The following KANSL2 variants were observed in gnomAD, a reference collection of about 807,000 sequenced individuals.
KANSL2 encodes KAT8 regulatory NSL complex subunit 2, also known as NSL complex protein NSL2.
A neutral mutation model predicts 55.6 loss-of-function variants in KANSL2; 34 were observed. The observed-to-expected ratio is 0.61, with a 90% CI of 0.46 to 0.81. The LOEUF (loss-of-function observed/expected upper bound fraction) is 0.81. KANSL2 is among the 40% of genes least tolerant of loss of function. The pLI is 0.00. For missense variants in KANSL2, 502 were observed against 609.9 expected, an observed-to-expected ratio of 0.82 and a Z score of 1.86; for synonymous variants, 209 against 214.3, an observed-to-expected ratio of 0.98 and a Z score of 0.22.
intron 7 of KANSL2, among the ~76,000 whole-genome samples, chr12:48,666,594 GAC>G (rs1380317984): frequency 6.6e-6 from 1 of 152,048 alleles, no homozygotes; most frequent in African/African-American, 2.4e-5. Flanking sequence ...TCAGGAGGAT[GAC>G]ACACAAGAAT....
chr12:48,660,667 T>C, intron 7 of KANSL2, 48 bp from the exon 8 acceptor site: 1 of 1,566,738 alleles, frequency 6.4e-7, no homozygotes, highest in Non-Finnish European at 8.7e-7. Context: ...ATCGAAAGCA[T>C]AAAATACAAA....
At chr12:48,663,762 G>A (rs753404816) in intron 7 of KANSL2, among the ~76,000 whole-genome samples, 51 of 152,268 alleles carry the variant, frequency 3.3e-4, no homozygotes, top group Non-Finnish European at 5.9e-4. Flanking sequence ...CTGATCAACA[G>A]TAAGCCATAA....
At chr12:48,654,751 A>G (rs74693075) in intron 9 of KANSL2, among the ~76,000 whole-genome samples, 190 bp downstream of exon 9, 1 of 152,238 alleles carries the variant, frequency 6.6e-6, no homozygotes, top group Non-Finnish European at 1.5e-5. Flanking sequence ...AAGGGTACAC[A>G]GGAGCAGAGT....
At chr12:48,680,468 A>C (rs1939900833) in intron 2 of KANSL2, among the ~76,000 whole-genome samples, 1 of 152,120 alleles carries the variant, frequency 6.6e-6, no homozygotes, top group Non-Finnish European at 1.5e-5. Context: ...CTGGGATTAC[A>C]GGCATGAGCC....
At chr12:48,680,112 T>C (rs1939893700) in intron 2 of KANSL2, 2 of 326,276 alleles carry the variant, frequency 6.1e-6, no homozygotes, top group Non-Finnish European at 1.2e-5. Flanking sequence ...CAGGCTAAAG[T>C]GCAGTGGTGC....
chr12:48,676,372 C>T (rs1466918501), intron 4 of KANSL2, among the ~76,000 whole-genome samples: 2 of 152,122 alleles, frequency 1.3e-5, no homozygotes, highest in Non-Finnish European at 2.9e-5. Flanking sequence ...TCCCAAAGTG[C>T]TAGGATCACT....
chr12:48,680,803 C>T (rs187874553), intron 2 of KANSL2, among the ~76,000 whole-genome samples: 135 of 151,552 alleles, frequency 8.9e-4, no homozygotes, highest in African/African-American at 3.1e-3. Flanking sequence ...ATGGTGAAAC[C>T]CCGTCTCTAC....
chr12:48,669,211 T>A lies in KANSL2; in HGVS notation c.771A>T (p.Arg257=). ...GGCGGTATCGTCGCAGACATTTTAATCGCTTTAAGTTCTCTCGTTCTTTGG... is the reference window on the plus strand; with the variant it reads ...GGCGGTATCGTCGCAGACATTTTAAACGCTTTAAGTTCTCTCGTTCTTTGG... The part of the protein sequence containing the change: ...LLAKERENLK[R]LKCLRRYRQR... Residue 257 remains arginine, a synonymous_variant, in exon 6 of 10, where the codon CGA becomes CGT. Transcript: ENST00000420613. 1 of 1,566,726 alleles carries A rather than the reference T, an allele frequency of 6.4e-7. No homozygotes were observed. Among genetic ancestry groups the A allele is most frequent in the Non-Finnish European group, 8.7e-7 (1 of 1,154,724 alleles).
chr12:48,662,332 T>C (rs1939502919), intron 7 of KANSL2, among the ~76,000 whole-genome samples: 2 of 152,358 alleles, frequency 1.3e-5, no homozygotes, highest in East Asian at 1.9e-4. Flanking sequence ...CTCTAACTCC[T>C]GACCTCAGGT....
chr12:48,681,727 GACA>G, intron 1 of KANSL2, 86 bp from the exon 2 acceptor site: 2 of 1,560,256 alleles, frequency 1.3e-6, no homozygotes, highest in Admixed American at 1.7e-5. Context: ...GTTTCCAAAG[GACA>G]TGCAGAAGTC....
chr12:48,671,326 T>C (rs1939709615), intron 5 of KANSL2, among the ~76,000 whole-genome samples: 1 of 151,908 alleles, frequency 6.6e-6, no homozygotes, highest in Non-Finnish European at 1.5e-5. Flanking sequence ...AAGGGTTAAT[T>C]TATTATTGAA....
intron 8 of KANSL2, among the ~76,000 whole-genome samples, chr12:48,656,294 GAC>G (rs1272092018): frequency 2.1e-5 from 3 of 144,030 alleles, no homozygotes; most frequent in Admixed American, 2.1e-4. Flanking sequence ...TTTTTTTTGA[GAC>G]AGAGTCTCGC....
At chr12:48,676,775 T>C (rs1426217216) in intron 4 of KANSL2, among the ~76,000 whole-genome samples, 1 of 152,142 alleles carries the variant, frequency 6.6e-6, no homozygotes, top group East Asian at 1.9e-4. Context: ...ATATATATAC[T>C]AACAGGAAGT....
intron 5 of KANSL2, among the ~76,000 whole-genome samples, chr12:48,670,884 A>C (rs1475208858): frequency 6.6e-6 from 1 of 152,090 alleles, no homozygotes; most frequent in Non-Finnish European, 1.5e-5. Flanking sequence ...GGATAGCCTG[A>C]GTCCAGGAGT....
intron 2 of KANSL2, 120 bp from the exon 3 acceptor site, chr12:48,679,953 A>G (rs1332579379): frequency 7.7e-6 from 7 of 905,022 alleles, no homozygotes; most frequent in African/African-American, 5.0e-5. Context: ...ATTCATTTCT[A>G]AAAATGCAAG....
chr12:48,666,989 T>G (rs1467941435), intron 7 of KANSL2, among the ~76,000 whole-genome samples: 1 of 152,142 alleles, frequency 6.6e-6, no homozygotes, highest in East Asian at 1.9e-4. Context: ...GAGACCAGCC[T>G]GGCCAACATG....
chr12:48,675,716 T>C (rs74088105), intron 4 of KANSL2, among the ~76,000 whole-genome samples: 3 of 152,192 alleles, frequency 2.0e-5, no homozygotes, highest in African/African-American at 4.8e-5. Context: ...ACCTACTAAA[T>C]GAATGCCGGC....
At chr12:48,659,626 A>T (rs540670672) in intron 8 of KANSL2, among the ~76,000 whole-genome samples, 2 of 152,324 alleles carry the variant, frequency 1.3e-5, no homozygotes, top group Non-Finnish European at 2.9e-5. Context: ...CCAATTTAAA[A>T]AAAAAAAAGT....
intron 4 of KANSL2, 72 bp downstream of exon 4, chr12:48,678,964 A>C: frequency 9.4e-7 from 1 of 1,068,774 alleles, no homozygotes; most frequent in Admixed American, 2.0e-5. Flanking sequence ...TTACTAATTT[A>C]TTAACAGCAT....
Sources: allele counts gnomAD v4.1 joint callset (sites outside exome capture counted in the v4.1 genomes callset), GRCh38; gene constraint gnomAD v4.1.1; transcripts MANE v1.5; gene names NCBI Gene and HGNC (gene_info 2026-07-23, HGNC 2026-07-21).